Variants in MAGI2 observed in about 807,000 individuals in gnomAD.
The protein encoded by MAGI2 is membrane associated guanylate kinase, WW and PDZ domain containing 2.
Under a neutral mutation model 133.3 loss-of-function variants are expected in MAGI2, and 35 were observed. That is an observed-to-expected ratio of 0.26 (90% CI 0.20 to 0.35). The LOEUF (loss-of-function observed/expected upper bound fraction) is 0.35. Among genes scored for constraint, MAGI2 ranks in the 10% least tolerant of loss-of-function variants. The pLI is 1.00. For missense variants in MAGI2, 1,636 were observed against 1,863.4 expected (o/e 0.88, Z 2.25); for synonymous variants, 729 against 710.6 (o/e 1.03, Z -0.41).
chr7:78,177,433 CACACACACACACAG>C (rs1383812622), intron 14 of MAGI2, among the ~76,000 whole-genome samples: 349 of 151,640 alleles, frequency 2.3e-3, no homozygotes, highest in African/African-American at 7.7e-3. Flanking sequence ...CACACACACA[CACACACACACACAG>C]ACACACACAC....
At chr7:79,038,622 G>T (rs1211877147) in intron 1 of MAGI2, among the ~76,000 whole-genome samples, 1 of 152,018 alleles carries the variant, frequency 6.6e-6, no homozygotes, top group Non-Finnish European at 1.5e-5. Flanking sequence ...CTTGAATTTT[G>T]TTCATCAAGA....
chr7:79,186,495 A>C (rs989390774), intron 1 of MAGI2, among the ~76,000 whole-genome samples: 11 of 148,706 alleles, frequency 7.4e-5, no homozygotes, highest in Non-Finnish European at 4.5e-5. Context: ...GTGCAAGTAG[A>C]TTTGCATGGT....
In MAGI2 at chr7:78,256,561, TAATATAGAC is replaced by T; in HGVS notation, c.1420_1428del (p.Val474_Ile476del). The T allele has an allele frequency of 6.2e-7, 1 of 1,613,002 alleles. No individual in the cohort carries two copies. Among genetic ancestry groups the T allele is most frequent in the South Asian group, 1.1e-5 (1 of 90,792 alleles). ...GTGTGTCCAAGGACACAAACTTCAT[TAATATAGAC>T]AATGACATCACCTGTAAGAAAAAAA... On this transcript the variant is annotated inframe_deletion, in exon 10 of 22. Coordinates refer to ENST00000354212, the MANE Select transcript of MAGI2 (RefSeq NM_012301.4).
intron 15 of MAGI2, among the ~76,000 whole-genome samples, chr7:78,162,877 C>T (rs1236412778): frequency 2.6e-5 from 4 of 152,166 alleles, no homozygotes; most frequent in African/African-American, 9.7e-5. Flanking sequence ...CATCATTTTT[C>T]TACTCATCTG....
At chr7:78,065,538 T>G in intron 21 of MAGI2, 1 of 655,644 alleles carries the variant, frequency 1.5e-6, no homozygotes. Flanking sequence ...CCAAGGCTCA[T>G]TAGAGAAAGA....
At chr7:79,207,992 G>A (rs1829198516) in intron 1 of MAGI2, among the ~76,000 whole-genome samples, 1 of 151,962 alleles carries the variant, frequency 6.6e-6, no homozygotes, top group Non-Finnish European at 1.5e-5. Flanking sequence ...ACCTGCAGAA[G>A]AATGAAATTA....
chr7:79,002,972 G>A (rs765408996), intron 2 of MAGI2, among the ~76,000 whole-genome samples: 10 of 150,398 alleles, frequency 6.6e-5, no homozygotes, highest in Admixed American at 2.0e-4. Context: ...CAAAATACAA[G>A]GCTAAATACA....
chr7:78,560,218 A>G (rs1431161153), intron 3 of MAGI2, among the ~76,000 whole-genome samples: 2 of 152,210 alleles, frequency 1.3e-5, no homozygotes, highest in Non-Finnish European at 2.9e-5. Flanking sequence ...ATCAGCAAAC[A>G]GATTTAGATG....
At chr7:78,209,178 C>T (rs1342901342) in intron 10 of MAGI2, among the ~76,000 whole-genome samples, 1 of 41,138 alleles carries the variant, frequency 2.4e-5, no homozygotes, top group Non-Finnish European at 5.8e-5. Context: ...GCTGAGATCG[C>T]GCCACTGCAC....
intron 21 of MAGI2, among the ~76,000 whole-genome samples, chr7:78,041,778 C>T (rs1810875943): frequency 6.6e-6 from 1 of 152,204 alleles, no homozygotes; most frequent in East Asian, 1.9e-4. Context: ...AGACTTGATG[C>T]CCTGCTCTGT....
intron 2 of MAGI2, among the ~76,000 whole-genome samples, chr7:78,905,354 A>G (rs565794590): frequency 6.6e-6 from 1 of 152,292 alleles, no homozygotes; most frequent in African/African-American, 2.4e-5. Flanking sequence ...GTTAGGAGCA[A>G]CTTAAATTAG....
intron 10 of MAGI2, among the ~76,000 whole-genome samples, chr7:78,235,447 G>A (rs1053091115): frequency 6.6e-6 from 1 of 152,174 alleles, no homozygotes; most frequent in African/African-American, 2.4e-5. Flanking sequence ...TCCACGTGTC[G>A]TGGGAGGAAC....
intron 9 of MAGI2, 47 bp downstream of exon 9, chr7:78,343,731 A>G (rs1295127944): frequency 1.8e-5 from 25 of 1,368,618 alleles, no homozygotes; most frequent in Non-Finnish European, 2.1e-5. Flanking sequence ...TTGCCTTCAG[A>G]AAAAAAGATG....
rs748518964 is a variant in MAGI2, at chr7:78,256,330, T to C, written c.1660A>G (p.Thr554Ala). The C allele has an allele frequency of 1.2e-6, 2 of 1,614,046 alleles. No homozygotes were observed. The highest frequency in any genetic ancestry group is 2.2e-5 in the South Asian group (2 of 91,086). ...YETYLEYISRTSQSVPDITDR... is the reference protein window; with the variant it reads ...YETYLEYISRASQSVPDITDR... ...GTTATATCTGGAACTGACTGTGAGG[T>C]CCGAGAAATGTACTCCAAATATGTT... Residue 554 changes from threonine (T) to alanine (A), a missense_variant, in exon 10 of 22, where the codon ACC (threonine) becomes GCC (alanine). By Grantham distance (58) the Thr-to-Ala change is moderately conservative. Coordinates refer to ENST00000354212, the MANE Select transcript of MAGI2 (RefSeq NM_012301.4).
At chr7:78,427,840 T>C (rs934774552) in intron 6 of MAGI2, among the ~76,000 whole-genome samples, 2 of 152,180 alleles carry the variant, frequency 1.3e-5, no homozygotes, top group Admixed American at 1.3e-4. Context: ...TTTTGATTAA[T>C]GAGTACTGTA....
chr7:78,233,115 G>A (rs1461153942), intron 10 of MAGI2, among the ~76,000 whole-genome samples: 1 of 152,164 alleles, frequency 6.6e-6, no homozygotes, highest in Non-Finnish European at 1.5e-5. Flanking sequence ...TAGAGGCCAT[G>A]GAGAACCATG....
chr7:79,420,418 C>T lies in MAGI2; in HGVS notation c.301+32602G>A, dbSNP rs376847535. Among the ~76,000 whole-genome samples the T allele has an allele frequency of 4.6e-4, 70 of 152,044 alleles. 1 individual carries two copies. In the South Asian group the frequency reaches 0.014, roughly 30 times the overall value. ...ATATATTCAGCTTATTATACAACCC[C>T]GCAGGAGTTCTGCTTGCCTTCCTAA... On this transcript the variant is annotated intron_variant, in intron 1 of 21. Transcript: ENST00000354212.
chr7:78,224,305 G>A (rs912206877), intron 10 of MAGI2, among the ~76,000 whole-genome samples: 1 of 152,168 alleles, frequency 6.6e-6, no homozygotes, highest in Non-Finnish European at 1.5e-5. Context: ...TTATCAGGTT[G>A]TGTGGGAAAA....
chr7:79,246,270 AC>A (rs1832813589), intron 1 of MAGI2, among the ~76,000 whole-genome samples: 9 of 152,114 alleles, frequency 5.9e-5, no homozygotes. Context: ...CATCAAGACC[AC>A]CCAAGAAACA....
Sources: allele counts gnomAD v4.1 joint callset (sites outside exome capture counted in the v4.1 genomes callset), GRCh38; gene constraint gnomAD v4.1.1; transcripts MANE v1.5; gene names NCBI Gene and HGNC (gene_info 2026-07-23, HGNC 2026-07-21).